Variants in NOTCH1 observed in about 807,000 individuals in gnomAD.
NOTCH1 encodes the protein notch receptor 1.
Under a neutral mutation model 254.8 loss-of-function variants are expected in NOTCH1, and 37 were observed. The ratio of observed to expected loss-of-function variants is 0.15; its 90% CI spans 0.11 to 0.19. NOTCH1 has a LOEUF of 0.19. Ranked by LOEUF, NOTCH1 falls within the 10% of genes least tolerant of loss-of-function variation. The probability of loss-of-function intolerance (pLI) is 1.00; values close to 1 mark genes in which losing one functional copy is unlikely to be tolerated. For missense variants in NOTCH1, 2,972 were observed against 3,708.6 expected (o/e 0.80, Z 5.16); for synonymous variants, 1,731 against 1,618.1 (o/e 1.07, Z -1.68).
chr9:136,502,744 A>G (rs1843018774), intron 27 of NOTCH1: 1 of 572,726 alleles, frequency 1.7e-6, no homozygotes, highest in East Asian at 2.9e-5. Context: ...AAGGAGGATT[A>G]GTCAACTTCA....
Position 136,506,920 on chromosome 9 carries a change from A to G in NOTCH1, c.3697T>C (p.Ser1233Pro), listed in dbSNP as rs2133344114. 6.2e-7 allele frequency: 1 copy of G among 1,611,608 alleles called. No homozygotes were observed. Residue 1233 changes from serine (S) to proline (P), a missense_variant, in exon 23 of 34, where the codon TCC (serine) becomes CCC (proline). Coordinates refer to ENST00000651671, the MANE Select transcript of NOTCH1 (RefSeq NM_017617.5). This position sits in a 1 kb window ranked among gnomAD's most constrained non-coding sequence, Gnocchi z 4.5. ...TTGTTAAAGCACTTGGGGCTCCGGG[A>G]CACGGGGTCAACGGGGGGATTGCAG... Reference protein sequence around the residue: ...DDCNPPVDPVSRSPKCFNNGT... With the variant: ...DDCNPPVDPVPRSPKCFNNGT...
chr9:136,515,771 C>T, intron 10 of NOTCH1, 55 bp from the exon 11 acceptor site: 1 of 1,474,930 alleles, frequency 6.8e-7, no homozygotes, highest in Non-Finnish European at 9.1e-7. Context: ...GCCCCCGGGA[C>T]ACCCATGACC....
intron 20 of NOTCH1, 23 bp downstream of exon 20, chr9:136,508,209 G>A: frequency 1.2e-6 from 2 of 1,609,820 alleles, no homozygotes; most frequent in East Asian, 4.5e-5. Flanking sequence ...TGGGACCCGA[G>A]CTGGGTGGGC....
chr9:136,510,171 C>A (rs1165513942), intron 17 of NOTCH1, among the ~76,000 whole-genome samples: 1 of 152,236 alleles, frequency 6.6e-6, no homozygotes, highest in African/African-American at 2.4e-5. Flanking sequence ...TCTCTCCCCA[C>A]CTGCTCCTGT....
rs1199582681 is a variant in NOTCH1 at position 136,512,919 on chromosome 9, G to A, written c.2467+102C>T. 4.5e-5 allele frequency: 7 copies of A among 154,634 alleles called. No individual in the cohort carries two copies. In the East Asian group the frequency reaches 1.4e-3, roughly 31 times the overall value. The allele number at this position is 154,634 out of a possible 1,614,324, so 9.6% of individuals were successfully genotyped here. A position where few individuals can be genotyped will look rare whatever the true frequency, so the allele number is the denominator to read the frequency against. On this transcript the variant is annotated intron_variant, in intron 15 of 33. Transcript: ENST00000651671. The stretch of plus-strand genomic sequence containing the variant: ...GGCTTCCCAGGCCGCCCCCACCCCT[G>A]GCCCCACCCTCTCCAGCACAGGCTC...
intron 2 of NOTCH1, among the ~76,000 whole-genome samples, chr9:136,529,237 C>T (rs193158422): frequency 1.3e-5 from 2 of 152,220 alleles, no homozygotes; most frequent in African/African-American, 4.8e-5. Context: ...GACACTGTGA[C>T]CCCCTACTGG....
Position 136,522,854 on chromosome 9 carries a change from C to A in NOTCH1, c.738G>T (p.Leu246=), listed in dbSNP as rs1212311457. ...CCGGCCAGCGGGCAGCACTACCTGG[C>A]AGGCAGGCACACTCGTGGGTGACGT... ...TGDVTHECAC[L]PGFTGQNCEE... Residue 246 remains leucine, a synonymous_variant, in exon 4 of 34, where the codon CTG becomes CTT. Coordinates refer to ENST00000651671, the MANE Select transcript of NOTCH1 (RefSeq NM_017617.5). The A allele has an allele frequency of 6.7e-7, 1 of 1,495,128 alleles. No individual in the cohort carries two copies. The highest frequency in any genetic ancestry group is 2.5e-5 in the East Asian group (1 of 40,422). 92.6% of individuals were successfully genotyped at this position (1,495,128 alleles called of 1,614,324 possible). A position where few individuals can be genotyped will look rare whatever the true frequency, so the allele number is the denominator to read the frequency against.
intron 22 of NOTCH1, 127 bp downstream of exon 22, chr9:136,507,178 G>A: frequency 6.5e-7 from 1 of 1,545,410 alleles, no homozygotes; most frequent in South Asian, 1.1e-5. Flanking sequence ...GTCGGCCTTG[G>A]CCTCACACAG....
At chr9:136,519,837 G>A (rs542951510) in intron 4 of NOTCH1, among the ~76,000 whole-genome samples, 57 of 152,352 alleles carry the variant, frequency 3.7e-4, no homozygotes, top group Non-Finnish European at 7.6e-4. Flanking sequence ...TCTCTTTTAA[G>A]AGGTTCCGGC....
chr9:136,505,887 C>A lies in NOTCH1; in HGVS notation c.4015-6G>T, dbSNP rs1843076919. On this transcript the variant is annotated splice_region_variant and splice_polypyrimidine_tract_variant and intron_variant, in intron 24 of 33. Coordinates refer to ENST00000651671, the MANE Select transcript of NOTCH1 (RefSeq NM_017617.5). The stretch of plus-strand genomic sequence containing the variant: ...CACGTGGCGCCCTCGAAGCCCTGCC[C>A]GAGAGGGAAGACAGGACGGTGTCGG... 1.9e-6 allele frequency: 3 copies of A among 1,583,882 alleles called. No homozygotes were observed. The highest frequency in any genetic ancestry group is 1.1e-5 in the South Asian group (1 of 88,782).
intron 2 of NOTCH1, among the ~76,000 whole-genome samples, chr9:136,528,441 AGG>A (rs151011663): frequency 0.024 from 56 of 2,320 alleles, 6 homozygotes; most frequent in Middle Eastern, 0.17. Context: ...AGGGACGGTG[AGG>A]GGGGGATGGG....
chr9:136,531,057 G>A (rs901292747), intron 2 of NOTCH1, among the ~76,000 whole-genome samples: 11 of 152,256 alleles, frequency 7.2e-5, no homozygotes, highest in Non-Finnish European at 1.3e-4. Flanking sequence ...ACAGCCAGCA[G>A]GGCAGTCGCC....
rs543842355 is a variant in NOTCH1 at position 136,497,463 on chromosome 9, A to G, written c.6276T>C (p.His2092=). The G allele has an allele frequency of 5.0e-6, 8 of 1,612,390 alleles. No homozygotes were observed. Among genetic ancestry groups the G allele is most frequent in the Admixed American group, 1.7e-5 (1 of 60,018 alleles). Residue 2092 remains histidine, a synonymous_variant, in exon 34 of 34, where the codon CAT becomes CAC. Coordinates refer to ENST00000651671, the MANE Select transcript of NOTCH1 (RefSeq NM_017617.5). ...CGATGTCGCGCGGCAGGCGGTCCAT[A>G]TGATCCGTGATGTCCCGGTTGGCAA... ...DHFANRDITD[H]MDRLPRDIAQ...
At chr9:136,517,450 G>C in intron 8 of NOTCH1, 65 bp from the exon 9 acceptor site, 1 of 1,167,788 alleles carries the variant, frequency 8.6e-7, no homozygotes, top group Non-Finnish European at 1.2e-6. Flanking sequence ...GCACAGCTGT[G>C]GACTTGGGAC....
chr9:136,521,979 T>C (rs566796172), intron 4 of NOTCH1, among the ~76,000 whole-genome samples: 1 of 143,894 alleles, frequency 6.9e-6, no homozygotes, highest in Admixed American at 6.8e-5. Flanking sequence ...TCTCTTCACT[T>C]TTTTTTTTTT....
intron 9 of NOTCH1, among the ~76,000 whole-genome samples, 154 bp from the exon 10 acceptor site, chr9:136,516,248 C>A (rs1427599170): frequency 6.6e-6 from 1 of 152,212 alleles, no homozygotes; most frequent in African/African-American, 2.4e-5. Flanking sequence ...CTGCCTCCCG[C>A]TGCCCGCTCC....
chr9:136,501,486 T>C (rs1395637476), intron 30 of NOTCH1, among the ~76,000 whole-genome samples: 3 of 149,020 alleles, frequency 2.0e-5, no homozygotes, highest in African/African-American at 7.4e-5. Flanking sequence ...ACGCTTTCCA[T>C]GTCTCAAGAA....
intron 8 of NOTCH1, 102 bp from the exon 9 acceptor site, chr9:136,517,487 T>C (rs1843294940): frequency 6.4e-6 from 6 of 930,648 alleles, no homozygotes; most frequent in South Asian, 3.0e-5. Context: ...TCCAGCCCAG[T>C]GTCCCAGCCA....
chr9:136,530,206 G>A (rs1048055046), intron 2 of NOTCH1, among the ~76,000 whole-genome samples: 3 of 152,236 alleles, frequency 2.0e-5, no homozygotes, highest in Admixed American at 1.3e-4. Context: ...CAGGCTTTCC[G>A]GCCCAAACAG....
Sources: gnomAD v4.1 joint callset for allele counts (sites outside exome capture counted in the v4.1 genomes callset) on GRCh38, gnomAD v4.1.1 for gene constraint, Gnocchi (gnomAD v3.1) non-coding constraint, MANE v1.5 for transcripts, NCBI Gene and HGNC (gene_info 2026-07-23, HGNC 2026-07-21) for gene names.